Variants in DOCK4 observed in about 807,000 individuals in gnomAD.
DOCK4 encodes dedicator of cytokinesis 4.
In DOCK4, 97 loss-of-function variants were observed where a neutral mutation model predicts 268.1. The ratio of observed to expected loss-of-function variants is 0.36; its 90% CI spans 0.31 to 0.43. The LOEUF (loss-of-function observed/expected upper bound fraction) is 0.43, where lower values mean the gene tolerates loss of function less well. DOCK4 is among the 20% of genes least tolerant of loss of function. DOCK4 has a pLI of 1.00. For synonymous variants in DOCK4, 954 were observed against 887.2 expected, an observed-to-expected ratio of 1.08 and a Z score of -1.34; for missense variants, 2,145 against 2,455.7, an observed-to-expected ratio of 0.87 and a Z score of 2.67.
At chr7:112,194,568 G>C (rs1820251900) in intron 1 of DOCK4, among the ~76,000 whole-genome samples, 1 of 152,146 alleles carries the variant, frequency 6.6e-6, no homozygotes, top group East Asian at 1.9e-4. Flanking sequence ...CTAAATTCAG[G>C]CTGTCCAGAC....
rs1020511479 is a variant in DOCK4 at position 111,742,226 on chromosome 7, T to C, written c.4678-94A>G. On this transcript the variant is annotated intron_variant, in intron 44 of 52. Coordinates refer to ENST00000428084, the MANE Select transcript of DOCK4 (RefSeq NM_001363540.2). The stretch of plus-strand genomic sequence containing the variant: ...CGAGCACTTTACTACGCATTTCGCT[T>C]GCATTATTGCTAATCCTCTGCCTCT... 7.1e-6 allele frequency: 9 copies of C among 1,271,906 alleles called. No individual in the cohort carries two copies. In the South Asian group the frequency reaches 1.7e-4, roughly 24 times the overall value. 78.8% of individuals were successfully genotyped at this position (1,271,906 alleles called of 1,614,324 possible). A position where few individuals can be genotyped will look rare whatever the true frequency, so the allele number is the denominator to read the frequency against.
At chr7:111,759,923 G>T (rs1729737797) in intron 40 of DOCK4, among the ~76,000 whole-genome samples, 1 of 152,110 alleles carries the variant, frequency 6.6e-6, no homozygotes, top group African/African-American at 2.4e-5. Context: ...TAAAGGCAGG[G>T]TTGAGCTATA....
intron 52 of DOCK4, among the ~76,000 whole-genome samples, chr7:111,729,669 C>T (rs988542090): frequency 3.9e-5 from 6 of 152,276 alleles, no homozygotes; most frequent in South Asian, 2.1e-4. Context: ...CCTTTGGGGG[C>T]GCTATTCACT....
intron 17 of DOCK4, among the ~76,000 whole-genome samples, chr7:111,873,708 G>A (rs1175502385): frequency 1.3e-5 from 2 of 152,090 alleles, no homozygotes; most frequent in Non-Finnish European, 2.9e-5. Context: ...AAAGCATTAA[G>A]AATCTCAAGG....
intron 1 of DOCK4, among the ~76,000 whole-genome samples, chr7:112,004,496 TA>T (rs1800695429): frequency 6.6e-6 from 1 of 152,196 alleles, no homozygotes; most frequent in South Asian, 2.1e-4. Context: ...GGGCCCATAG[TA>T]GTTAATAAAT....
chr7:111,905,756 A>T (rs17158985), intron 13 of DOCK4, among the ~76,000 whole-genome samples: 13,203 of 151,618 alleles, frequency 0.087, 674 homozygotes, highest in East Asian at 0.21. Flanking sequence ...GATATTTGTT[A>T]AGAGTTATGG....
chr7:111,824,028 T>C (rs112794344), intron 26 of DOCK4, among the ~76,000 whole-genome samples: 21 of 152,354 alleles, frequency 1.4e-4, no homozygotes, highest in Non-Finnish European at 2.6e-4. Flanking sequence ...TGTTGATATG[T>C]AGTATGCGCC....
At chr7:112,028,998 T>G (rs1327383087) in intron 1 of DOCK4, among the ~76,000 whole-genome samples, 1 of 152,232 alleles carries the variant, frequency 6.6e-6, no homozygotes, top group Non-Finnish European at 1.5e-5. Flanking sequence ...GTGCTTATCT[T>G]GCAATGTTAT....
At position 111,926,941 on chromosome 7, in the gene DOCK4, A is replaced by C. The variant is rs189577477; in HGVS notation, c.1066+8599T>G. ...AGAAAAAGAACGGAGGAAGGAAGAC[A>C]GGAAGAAAGAAAACACTTTTATTTC... On this transcript the variant is annotated intron_variant, in intron 12 of 52. Transcript: ENST00000428084. Among the ~76,000 whole-genome samples the C allele has an allele frequency of 3.7e-4, 56 of 152,326 alleles. 2 individuals are homozygous for C. The East Asian group carries it at 0.01, about 28-fold the overall frequency.
chr7:112,164,207 GGTGTA>G (rs975059284), intron 1 of DOCK4, among the ~76,000 whole-genome samples: 2 of 152,004 alleles, frequency 1.3e-5, no homozygotes, highest in African/African-American at 4.8e-5. Flanking sequence ...GAAGTTTGAA[GGTGTA>G]GTGAGCTATG....
chr7:111,769,752 A>C, intron 36 of DOCK4, 75 bp from the exon 37 acceptor site: 1 of 1,509,306 alleles, frequency 6.6e-7, no homozygotes, highest in Non-Finnish European at 8.9e-7. Context: ...CCAGTTTCCG[A>C]CAAACTGGGG....
chr7:111,729,858 C>T (rs543518375), intron 52 of DOCK4, among the ~76,000 whole-genome samples: 3 of 152,188 alleles, frequency 2.0e-5, no homozygotes, highest in Non-Finnish European at 2.9e-5. Flanking sequence ...TGGCAGCCCT[C>T]GGGGCTGTAG....
At chr7:111,970,318 TA>T (rs35715861) in intron 8 of DOCK4, among the ~76,000 whole-genome samples, 1 of 149,742 alleles carries the variant, frequency 6.7e-6, no homozygotes, top group Admixed American at 6.7e-5. Context: ...GGCAAGTTAT[TA>T]AAAAAAAAGA....
In DOCK4 at chr7:112,018,179, A is replaced by AAAAAAAAAACAC; in HGVS notation, c.38-14049_38-14048insGTGTTTTTTTTT. ...AAAAAAAAAAAAAAAAAAAAAAAAAAACACAGGCAACCAGTATTCATGTGG... is the reference window on the plus strand; with the variant it reads ...AAAAAAAAAAAAAAAAAAAAAAAAAAAAAAAAAAACACACACAGGCAACCAGTATTCATGTGG... On this transcript the variant is annotated intron_variant, in intron 1 of 52. Transcript: ENST00000428084. Among the ~76,000 whole-genome samples the AAAAAAAAAACAC allele has an allele frequency of 4.8e-4, 35 of 72,628 alleles. 5 individuals are homozygous for AAAAAAAAAACAC. The highest frequency in any genetic ancestry group is 2.4e-3 in the East Asian group (6 of 2,480). The allele number at this position is 72,628 out of a possible 152,430, so 47.6% of individuals were successfully genotyped here.
chr7:112,087,310 C>T lies in DOCK4; in HGVS notation c.38-83179G>A, dbSNP rs188777389. On this transcript the variant is annotated intron_variant, in intron 1 of 52. Coordinates refer to ENST00000428084, the MANE Select transcript of DOCK4 (RefSeq NM_001363540.2). Reference sequence around the variant, plus strand: ...TTCTTCAGCTGCTAGGTAATACATACCCCTGTTTTTATGGAATCAATATAA... The same window carrying T: ...TTCTTCAGCTGCTAGGTAATACATATCCCTGTTTTTATGGAATCAATATAA... 5.9e-3 allele frequency among the ~76,000 whole-genome samples: 899 copies of T among 152,164 alleles called. 13 individuals are homozygous for T. Among genetic ancestry groups the T allele is most frequent in the African/African-American group, 0.021 (855 of 41,522 alleles).
chr7:111,788,883 A>G, intron 31 of DOCK4, 136 bp from the exon 32 acceptor site: 2 of 737,726 alleles, frequency 2.7e-6, no homozygotes, highest in Non-Finnish European at 4.8e-6. Flanking sequence ...GCTACGGTTA[A>G]TAGCAGGCAA....
chr7:112,094,306 A>G (rs922961678), intron 1 of DOCK4, among the ~76,000 whole-genome samples: 1 of 152,200 alleles, frequency 6.6e-6, no homozygotes. Flanking sequence ...TAAGCTACAC[A>G]GAAAAAAGTG....
chr7:111,851,847 T>G (rs1378735439), intron 23 of DOCK4, among the ~76,000 whole-genome samples: 1 of 152,146 alleles, frequency 6.6e-6, no homozygotes, highest in Non-Finnish European at 1.5e-5. Flanking sequence ...TCTTTCAATT[T>G]TATCCTATAT....
intron 1 of DOCK4, among the ~76,000 whole-genome samples, chr7:112,186,044 G>C (rs1476772970): frequency 6.6e-6 from 1 of 152,218 alleles, no homozygotes; most frequent in Non-Finnish European, 1.5e-5. Flanking sequence ...AGAGTGCTGG[G>C]CTAGGCCAGG....
Sources: gnomAD v4.1 joint callset for allele counts (sites outside exome capture counted in the v4.1 genomes callset) on GRCh38, gnomAD v4.1.1 for gene constraint, MANE v1.5 for transcripts, NCBI Gene and HGNC (gene_info 2026-07-23, HGNC 2026-07-21) for gene names.